Variants in C4orf50 observed in about 807,000 individuals in gnomAD.
C4orf50 encodes uncharacterized protein C4orf50.
A neutral mutation model predicts 77.2 loss-of-function variants in C4orf50; 80 were observed. The ratio of observed to expected loss-of-function variants is 1.04; its 90% CI spans 0.87 to 1.25. The LOEUF is 1.25. Among genes scored for constraint, C4orf50 ranks in the 50% most tolerant of loss-of-function variants. The pLI is 0.00. For missense variants in C4orf50, 1,257 were observed against 1,152.9 expected (o/e 1.09, Z -1.31); for synonymous variants, 532 against 465.3 (o/e 1.14, Z -1.84).
At chr4:5,965,059 A>T in exon 33 of C4orf50, 3 of 1,613,460 alleles carry the variant, frequency 1.9e-6, no homozygotes, top group Non-Finnish European at 2.5e-6. Flanking sequence ...TGTGCTGGCC[A>T]CTCCGGCTCG....
At chr4:5,920,322 G>A (rs1717206176) in intron 7 of C4orf50, among the ~76,000 whole-genome samples, 1 of 152,186 alleles carries the variant, frequency 6.6e-6, no homozygotes, top group South Asian at 2.1e-4. Context: ...GGGTATGACA[G>A]TCATGTCTAC....
At position 5,919,272 on chromosome 4, in the gene C4orf50, G is replaced by A. The variant is rs552683815; in HGVS notation, c.*2475-21084C>T. On this transcript the variant is annotated intron_variant, in intron 7 of 7. Coordinates refer to the C4orf50 transcript ENST00000324058. The surrounding 1 kb of genome is among the most constrained non-coding windows in gnomAD (Gnocchi z 6.5). ...GGAGCCCCAGGCTTGAGGGTTGGCA[G>A]ACCCAATGCCCGATTTCCATGGCTA... Among the ~76,000 whole-genome samples, 1 of 152,330 alleles carries A rather than the reference G, an allele frequency of 6.6e-6. No individual in the cohort carries two copies. The highest frequency in any genetic ancestry group is 2.4e-5 in the African/African-American group (1 of 41,580).
chr4:5,964,571 C>T (rs554652076), intron 33 of C4orf50, among the ~76,000 whole-genome samples: 1 of 151,908 alleles, frequency 6.6e-6, no homozygotes, highest in East Asian at 1.9e-4. Flanking sequence ...AGTTCGAGAC[C>T]AGCCTGGCCA....
chr4:5,988,611 TG>T lies in C4orf50; in HGVS notation c.3434del (p.Ser1145Ter). On this transcript the variant is annotated frameshift_variant, in exon 28 of 34. Transcript: ENST00000531445. LOFTEE classifies it high-confidence loss of function. ...CCTCCAAGGGTGGCCCACAGGCTCT[TG>T]AAAGCAGCTGTCCTGTGAGTGGAGT... The T allele has an allele frequency of 6.5e-7, 1 of 1,536,192 alleles. No homozygotes were observed. Among genetic ancestry groups the T allele is most frequent in the East Asian group, 2.4e-5 (1 of 40,886 alleles).
intron 29 of C4orf50, among the ~76,000 whole-genome samples, chr4:5,979,599 GA>G (rs1720459708): frequency 6.6e-6 from 1 of 152,230 alleles, no homozygotes; most frequent in Non-Finnish European, 1.5e-5. Context: ...ACAGTTGTAA[GA>G]AATAATACAG....
At chr4:6,003,798 GTGATGGTGA>G (rs1430138143) in intron 25 of C4orf50, among the ~76,000 whole-genome samples, 20 of 109,958 alleles carry the variant, frequency 1.8e-4, no homozygotes, top group Admixed American at 7.9e-4. Flanking sequence ...GGTGATGATG[GTGATGGTGA>G]TGATGGTGAT....
rs553898442 is a variant in C4orf50 at position 5,989,501 on chromosome 4, A to T, written c.2545T>A (p.Trp849Arg). The T allele has an allele frequency of 5.9e-6, 9 of 1,536,066 alleles. No individual in the cohort carries two copies. The South Asian group carries it at 1.1e-4, about 18-fold the overall frequency. ...ACCTGCTGAGAGTGAGCTCTCTCCC[A>T]GCCACTGTGCCACTTCTGAGCAAAG... The change falls in exon 28 of 34, where the codon TGG becomes AGG. Residue 849 changes from tryptophan (W) to arginine (R), a missense_variant. By Grantham distance (101) the Trp-to-Arg change is moderately radical. Transcript: ENST00000531445.
At position 6,015,606 on chromosome 4, in the gene C4orf50, G is replaced by T. The variant is rs893053695; in HGVS notation, c.287+2539C>A. On this transcript the variant is annotated intron_variant, in intron 23 of 33. Coordinates refer to ENST00000531445, the Ensembl canonical transcript of C4orf50. This position sits in a 1 kb window ranked among gnomAD's most constrained non-coding sequence, Gnocchi z 4.4. The stretch of plus-strand genomic sequence containing the variant: ...TGTGTGGGCTTTCTCGGGGTACCCT[G>T]GTCTCCTCCTGCAGCTGTAACACGT... Among the ~76,000 whole-genome samples the T allele has an allele frequency of 6.6e-6, 1 of 152,018 alleles. No individual in the cohort carries two copies. Among genetic ancestry groups the T allele is most frequent in the African/African-American group, 2.4e-5 (1 of 41,406 alleles).
rs748094677 is a variant in C4orf50 at position 6,009,335 on chromosome 4, A to T, written c.427-803T>A. On this transcript the variant is annotated intron_variant, in intron 24 of 33. Coordinates refer to ENST00000531445, the Ensembl canonical transcript of C4orf50. This position sits in a 1 kb window ranked among gnomAD's most constrained non-coding sequence, Gnocchi z 5.6. ...AAGGGATAGAACTACGTCTACGTTA[A>T]TCTTTCAACTACTGTCACCTGCCGC... Among the ~76,000 whole-genome samples, 16 of 152,218 alleles carry T rather than the reference A, an allele frequency of 1.1e-4. No individual in the cohort carries two copies. Among genetic ancestry groups the T allele is most frequent in the Non-Finnish European group, 1.3e-4 (9 of 68,032 alleles).
At chr4:5,990,245 C>T (rs1223062620) in exon 28 of C4orf50, 8 of 1,231,878 alleles carry the variant, frequency 6.5e-6, no homozygotes, top group African/African-American at 3.1e-5. Context: ...TGATCCTGCA[C>T]GTCCTCTGCA....
exon 28 of C4orf50, chr4:5,989,156 C>T (rs1191401710): frequency 1.3e-6 from 2 of 1,535,810 alleles, no homozygotes; most frequent in South Asian, 1.2e-5. Context: ...CTCTCTCTCT[C>T]TCTTTCAAGG....
exon 31 of C4orf50, chr4:5,973,809 C>T (rs1475507654): frequency 1.2e-6 from 2 of 1,613,106 alleles, no homozygotes; most frequent in Non-Finnish European, 1.7e-6. Context: ...GGTTCCTCTC[C>T]CGGCACTTCC....
At chr4:5,987,647 G>T (rs772324738) in intron 28 of C4orf50, among the ~76,000 whole-genome samples, 2 of 151,722 alleles carry the variant, frequency 1.3e-5, no homozygotes, top group Non-Finnish European at 2.9e-5. Flanking sequence ...GATGGAGAAG[G>T]AGACACAGAG....
intron 7 of C4orf50, among the ~76,000 whole-genome samples, chr4:5,922,675 C>T (rs1249361465): frequency 6.6e-6 from 1 of 152,188 alleles, no homozygotes; most frequent in Non-Finnish European, 1.5e-5. Flanking sequence ...AAGGGTTGTC[C>T]TCCTGTCCCC....
intron 7 of C4orf50, among the ~76,000 whole-genome samples, chr4:5,945,976 G>A (rs1357928220): frequency 6.6e-6 from 1 of 152,216 alleles, no homozygotes; most frequent in African/African-American, 2.4e-5. Context: ...ACAAGGAGAA[G>A]GCTGGAGAAA....
intron 28 of C4orf50, among the ~76,000 whole-genome samples, chr4:5,982,359 C>T (rs568514297): frequency 3.9e-4 from 60 of 152,144 alleles, no homozygotes; most frequent in Non-Finnish European, 7.8e-4. Context: ...TGTGAGCTGC[C>T]CAGAGAGTCT....
intron 25 of C4orf50, among the ~76,000 whole-genome samples, chr4:6,003,913 A>ATGGTGG (rs1722001669): frequency 3.1e-5 from 2 of 63,562 alleles, no homozygotes; most frequent in African/African-American, 1.3e-4. Context: ...GGTGATGTTG[A>ATGGTGG]TGATGGTGGT....
chr4:6,014,799 G>A lies in C4orf50; in HGVS notation c.288-2831C>T, dbSNP rs570818659. Among the ~76,000 whole-genome samples the A allele has an allele frequency of 7.2e-5, 11 of 152,284 alleles. No individual in the cohort carries two copies. The East Asian group carries it at 1.9e-3, about 27-fold the overall frequency. Reference sequence around the variant, plus strand: ...TATGGGAGGGCCCAGCCCTGTGCCAGCTCCCTTTTCTCCTCCCCTGACCCC... The same window carrying A: ...TATGGGAGGGCCCAGCCCTGTGCCAACTCCCTTTTCTCCTCCCCTGACCCC... On this transcript the variant is annotated intron_variant, in intron 23 of 33. Coordinates refer to ENST00000531445, the Ensembl canonical transcript of C4orf50.
At chr4:5,966,659 GT>G (rs200418774) in intron 32 of C4orf50, among the ~76,000 whole-genome samples, 49,251 of 145,790 alleles carry the variant, frequency 0.34, 8,435 homozygotes, top group Admixed American at 0.44. Context: ...ATCTTAAGAG[GT>G]TTTTTTTTTT....
Sources: allele counts gnomAD v4.1 joint callset (sites outside exome capture counted in the v4.1 genomes callset), GRCh38; gene constraint gnomAD v4.1.1; non-coding constraint Gnocchi (gnomAD v3.1); transcripts MANE v1.5; gene names NCBI Gene and HGNC (gene_info 2026-07-23, HGNC 2026-07-21).